The following SSBP2 variants were observed in gnomAD, a reference collection of about 807,000 sequenced individuals.
The protein encoded by SSBP2 is single-stranded DNA-binding protein 2.
SSBP2 carries 17 observed loss-of-function variants against 61.8 expected under a neutral mutation model. The observed-to-expected ratio is 0.28, with a 90% CI of 0.19 to 0.41. SSBP2 has a LOEUF of 0.41. Among genes scored for constraint, SSBP2 ranks in the 10% least tolerant of loss-of-function variants. SSBP2 has a pLI of 1.00. For missense variants in SSBP2, 310 were observed against 458.7 expected (o/e 0.68, Z 2.96); for synonymous variants, 139 against 141.3 (o/e 0.98, Z 0.12).
rs1323012367 is a variant in SSBP2 at position 81,423,245 on chromosome 5, C to G, written c.1057-2712G>C. ...GCTGTTTACTGCAACAGCCACTAGC[C>G]AGAGGTTGCTACTGAGTTCATGAAA... On this transcript the variant is annotated intron_variant, in intron 16 of 16. Transcript: ENST00000320672. 3.9e-5 allele frequency among the ~76,000 whole-genome samples: 6 copies of G among 152,126 alleles called. No homozygotes were observed. In the East Asian group the frequency reaches 1.2e-3, roughly 29 times the overall value.
intron 1 of SSBP2, among the ~76,000 whole-genome samples, chr5:81,651,095 G>A (rs1186127843): frequency 6.6e-6 from 1 of 152,126 alleles, no homozygotes; most frequent in Non-Finnish European, 1.5e-5. Flanking sequence ...CTCAATTTCA[G>A]TTGAGCTGTT....
At chr5:81,717,307 C>T (rs549147195) in intron 1 of SSBP2, among the ~76,000 whole-genome samples, 9 of 152,258 alleles carry the variant, frequency 5.9e-5, no homozygotes, top group Non-Finnish European at 1.0e-4. Flanking sequence ...CTCCAGTCCA[C>T]TATATGTACA....
At chr5:81,586,657 A>T (rs1581096983) in intron 4 of SSBP2, among the ~76,000 whole-genome samples, 1 of 146,936 alleles carries the variant, frequency 6.8e-6, no homozygotes, top group South Asian at 2.1e-4. Context: ...TAAATATAGG[A>T]GGCATGAGAT....
intron 4 of SSBP2, 129 bp downstream of exon 4, chr5:81,615,344 A>G: frequency 1.4e-6 from 1 of 726,256 alleles, no homozygotes; most frequent in Non-Finnish European, 2.4e-6. Flanking sequence ...CCTACTTTTC[A>G]AGAAAAAAGA....
chr5:81,484,457 T>C (rs1766235344), intron 6 of SSBP2, among the ~76,000 whole-genome samples: 4 of 151,984 alleles, frequency 2.6e-5, no homozygotes, highest in Admixed American at 2.6e-4. Flanking sequence ...TAGAACAAAA[T>C]TAGAAAAAGA....
At chr5:81,683,423 T>C (rs971543126) in intron 1 of SSBP2, among the ~76,000 whole-genome samples, 2 of 152,156 alleles carry the variant, frequency 1.3e-5, no homozygotes, top group Admixed American at 6.5e-5. Context: ...CAATTGAGCA[T>C]AGATGTGCAA....
intron 3 of SSBP2, among the ~76,000 whole-genome samples, chr5:81,625,383 T>C (rs1747043311): frequency 6.6e-6 from 1 of 152,158 alleles, no homozygotes; most frequent in African/African-American, 2.4e-5. Context: ...TGCTGGTGAC[T>C]AAGGAGCTTC....
intron 15 of SSBP2, among the ~76,000 whole-genome samples, chr5:81,434,633 C>CA (rs34269591): frequency 0.13 from 5,464 of 42,576 alleles, 1,055 homozygotes; most frequent in African/African-American, 0.37. Flanking sequence ...ACTCTTGACT[C>CA]AAAAAAAAAA....
intron 4 of SSBP2, among the ~76,000 whole-genome samples, chr5:81,563,571 G>A (rs960579862): frequency 9.2e-5 from 14 of 152,222 alleles, no homozygotes; most frequent in South Asian, 6.2e-4. Flanking sequence ...CAGACATGTA[G>A]ACTAATGGAA....
chr5:81,721,579 T>C (rs1178757888), intron 1 of SSBP2, among the ~76,000 whole-genome samples: 1 of 152,024 alleles, frequency 6.6e-6, no homozygotes, highest in East Asian at 1.9e-4. Flanking sequence ...ATCCAGTGAC[T>C]AACTAATCAA....
intron 6 of SSBP2, among the ~76,000 whole-genome samples, chr5:81,481,503 C>G (rs1765984135): frequency 6.6e-6 from 1 of 151,670 alleles, no homozygotes; most frequent in Admixed American, 6.6e-5. Flanking sequence ...CACTTGTAAT[C>G]CCAGCTACTC....
chr5:81,478,367 G>A (rs1765735511), intron 6 of SSBP2, among the ~76,000 whole-genome samples: 2 of 151,746 alleles, frequency 1.3e-5, no homozygotes, highest in Admixed American at 6.6e-5. Flanking sequence ...CTGATACAGA[G>A]TCTTACTCTA....
intron 4 of SSBP2, among the ~76,000 whole-genome samples, chr5:81,528,933 C>T (rs1056660043): frequency 6.6e-6 from 1 of 151,950 alleles, no homozygotes; most frequent in Non-Finnish European, 1.5e-5. Flanking sequence ...AGGAGACCTC[C>T]TAGAAACTGA....
At chr5:81,658,541 A>G (rs1178908074) in intron 1 of SSBP2, among the ~76,000 whole-genome samples, 1 of 152,190 alleles carries the variant, frequency 6.6e-6, no homozygotes, top group East Asian at 1.9e-4. Flanking sequence ...ATACAGTTAT[A>G]CTTTTTTATG....
At chr5:81,536,981 G>A (rs1770855444) in intron 4 of SSBP2, among the ~76,000 whole-genome samples, 1 of 148,372 alleles carries the variant, frequency 6.7e-6, no homozygotes, top group Non-Finnish European at 1.5e-5. Flanking sequence ...TCCAGCTTGG[G>A]CAACAGAGCA....
intron 1 of SSBP2, among the ~76,000 whole-genome samples, chr5:81,700,797 A>C (rs1020306458): frequency 2.0e-5 from 3 of 152,090 alleles, no homozygotes; most frequent in African/African-American, 7.2e-5. Context: ...TAGCTTCAAA[A>C]TTTTCTTCTG....
chr5:81,551,366 G>C (rs929533231), intron 4 of SSBP2, among the ~76,000 whole-genome samples: 1 of 151,952 alleles, frequency 6.6e-6, no homozygotes, highest in Non-Finnish European at 1.5e-5. Flanking sequence ...CATAATCACA[G>C]TTTTCCTAAT....
chr5:81,746,055 A>C, intron 1 of SSBP2, among the ~76,000 whole-genome samples: 1 of 152,142 alleles, frequency 6.6e-6, no homozygotes, highest in Non-Finnish European at 1.5e-5. Flanking sequence ...GAAAGCGTGA[A>C]ACTGAAAACT....
intron 4 of SSBP2, among the ~76,000 whole-genome samples, chr5:81,591,781 C>G (rs1775523266): frequency 6.6e-6 from 1 of 152,130 alleles, no homozygotes; most frequent in South Asian, 2.1e-4. Flanking sequence ...AACAGATCAT[C>G]CAAGAGTTAC....
Sources: gnomAD v4.1 joint callset for allele counts (sites outside exome capture counted in the v4.1 genomes callset) on GRCh38, gnomAD v4.1.1 for gene constraint, MANE v1.5 for transcripts, NCBI Gene and HGNC (gene_info 2026-07-23, HGNC 2026-07-21) for gene names.